ADAM29: variants seen among roughly 807,000 people sequenced by gnomAD.
The protein encoded by ADAM29 is disintegrin and metalloproteinase domain-containing protein 29.
For synonymous variants in ADAM29, 367 were observed against 342.3 expected, an observed-to-expected ratio of 1.07 and a Z score of -0.80; for missense variants, 969 against 1,001.8, an observed-to-expected ratio of 0.97 and a Z score of 0.44.
At chr4:174,931,453 A>G (rs1259308316) in intron 3 of ADAM29, 1 of 152,224 alleles carries the variant, frequency 6.6e-6, no homozygotes, top group African/African-American at 2.4e-5. Context: ...TCAAAATTCA[A>G]ACTCTTCTAT....
intron 3 of ADAM29, among the ~76,000 whole-genome samples, chr4:174,935,971 A>G (rs949124408): frequency 6.6e-6 from 1 of 152,054 alleles, no homozygotes; most frequent in African/African-American, 2.4e-5. Flanking sequence ...AAATAGAGTG[A>G]CCATATAATT....
chr4:174,939,285 G>A (rs1744387720), intron 4 of ADAM29, among the ~76,000 whole-genome samples: 2 of 152,050 alleles, frequency 1.3e-5, no homozygotes. Flanking sequence ...TTTTCTAAGA[G>A]CCCACATCAA....
At position 174,977,888 on chromosome 4, in the gene ADAM29, C is replaced by T. The variant is rs1324076688; in HGVS notation, c.2363C>T (p.Pro788Leu). The T allele has an allele frequency of 3.2e-6, 5 of 1,586,740 alleles. No homozygotes were observed. Among genetic ancestry groups the T allele is most frequent in the Admixed American group, 1.7e-5 (1 of 58,206 alleles). The change falls in exon 5 of 5, where the codon CCT becomes CTT. Residue 788 changes from proline to leucine, a missense_variant. By Grantham distance (98) the Pro-to-Leu change is moderately conservative (BLOSUM62 -3). Coordinates refer to ENST00000359240, the MANE Select transcript of ADAM29 (RefSeq NM_014269.4). ...CCTGTGATGCCTTCCCAGAGTCATC[C>T]TCAGTTGACGCCTTCCCAGAGTCAA... ...QPPVMPSQSH[P>L]QLTPSQSQPP...
chr4:174,974,574 A>G (rs959885936), intron 4 of ADAM29, among the ~76,000 whole-genome samples: 1 of 152,236 alleles, frequency 6.6e-6, no homozygotes, highest in African/African-American at 2.4e-5. Flanking sequence ...GCATGCATTT[A>G]TCATAGATGT....
rs1043483548 is a variant in ADAM29 at position 174,969,716 on chromosome 4, T to C, written c.-180-5630T>C. Among the ~76,000 whole-genome samples, 15 of 152,186 alleles carry C rather than the reference T, an allele frequency of 9.9e-5. No homozygotes were observed. The East Asian group carries it at 2.5e-3, about 25-fold the overall frequency. ...CATTTCAAAATAAACACCAAGTATT[T>C]TGATGTGTCAGTTAATATCCTTTGA... On this transcript the variant is annotated intron_variant, in intron 4 of 4. Transcript: ENST00000359240.
intron 4 of ADAM29, among the ~76,000 whole-genome samples, chr4:174,961,807 C>T (rs1314429320): frequency 2.0e-5 from 3 of 152,158 alleles, no homozygotes; most frequent in Non-Finnish European, 4.4e-5. Context: ...ACCATACAGC[C>T]TATCCAGTCA....
rs767987848 is a variant in ADAM29 at position 174,976,733 on chromosome 4, GTGT to G, written c.1214_1216del (p.Val405del). On this transcript the variant is annotated inframe_deletion, in exon 5 of 5. Transcript: ENST00000359240. Reference sequence around the variant, plus strand: ...TTTAATGTGAAGCGCTGTGGGAATGGTGTTGTTGAAGAAGGAGAAGAGTGTGAC... The same window carrying G: ...TTTAATGTGAAGCGCTGTGGGAATGGTGTTGAAGAAGGAGAAGAGTGTGAC... 10 of 1,613,864 alleles carry G rather than the reference GTGT, an allele frequency of 6.2e-6. No homozygotes were observed. Among genetic ancestry groups the G allele is most frequent in the East Asian group, 2.2e-5 (1 of 44,888 alleles).
Position 174,976,322 on chromosome 4 carries a change from T to C in ADAM29, c.797T>C (p.Val266Ala), listed in dbSNP as rs1302142192. The change falls in exon 5 of 5, where the codon GTG becomes GCG. Residue 266 changes from valine (V) to alanine (A), a missense_variant. By Grantham distance (64) the Val-to-Ala change is moderately conservative (BLOSUM62 0). Transcript: ENST00000359240. ...LIVVDDVRKS[V>A]HLYCKWKSEN... ...GTAGTAGATGATGTAAGGAAATCTG[T>C]GCACCTGTATTGCAAGTGGAAGTCG... 1 of 1,612,022 alleles carries C rather than the reference T, an allele frequency of 6.2e-7. No individual in the cohort carries two copies. The highest frequency in any genetic ancestry group is 8.5e-7 in the Non-Finnish European group (1 of 1,179,436).
intron 2 of ADAM29, among the ~76,000 whole-genome samples, chr4:174,923,630 A>G (rs1440227020): frequency 1.3e-5 from 2 of 150,626 alleles, no homozygotes; most frequent in African/African-American, 4.9e-5. Flanking sequence ...ATCAGATAAC[A>G]GGGAAGAACA....
At chr4:174,964,099 T>C (rs1036763772) in intron 4 of ADAM29, among the ~76,000 whole-genome samples, 2 of 152,138 alleles carry the variant, frequency 1.3e-5, no homozygotes, top group Admixed American at 1.3e-4. Flanking sequence ...TTTTTTTCTA[T>C]AAATTATGTA....
At position 174,976,329 on chromosome 4, in the gene ADAM29, G is replaced by A. The variant is rs1044016527; in HGVS notation, c.804G>A (p.Leu268=). Residue 268 remains leucine (L), a synonymous_variant, in exon 5 of 5, where the codon CTG becomes CTA. Transcript: ENST00000359240. The part of the protein sequence containing the change: ...VVDDVRKSVH[L]YCKWKSENIT... Reference sequence around the variant, plus strand: ...ATGATGTAAGGAAATCTGTGCACCTGTATTGCAAGTGGAAGTCGGAGAACA... The same window carrying A: ...ATGATGTAAGGAAATCTGTGCACCTATATTGCAAGTGGAAGTCGGAGAACA... The A allele has an allele frequency of 1.2e-6, 2 of 1,611,780 alleles. No homozygotes were observed. Among genetic ancestry groups the A allele is most frequent in the Non-Finnish European group, 1.7e-6 (2 of 1,179,302 alleles).
intron 4 of ADAM29, among the ~76,000 whole-genome samples, chr4:174,974,790 G>A (rs368635622): frequency 1.6e-4 from 24 of 152,272 alleles, no homozygotes; most frequent in African/African-American, 5.3e-4. Context: ...GTGAGAAGAG[G>A]AAGTTAGCGA....
chr4:174,930,363 T>C (rs1743791051), intron 2 of ADAM29, among the ~76,000 whole-genome samples: 1 of 152,194 alleles, frequency 6.6e-6, no homozygotes, highest in Admixed American at 6.5e-5. Flanking sequence ...TTTAATAATA[T>C]GTCTCTTCAT....
chr4:174,976,855 A>G lies in ADAM29; in HGVS notation c.1330A>G (p.Lys444Glu). Residue 444 changes from lysine (K) to glutamate (E), a missense_variant, in exon 5 of 5, where the codon AAA becomes GAA. Coordinates refer to ENST00000359240, the MANE Select transcript of ADAM29 (RefSeq NM_014269.4). ...GSTCAFGLCC[K>E]DCKFLPSGKV... ...TACTTGTGCTTTTGGGCTTTGTTGC[A>G]AAGACTGCAAGTTCCTACCATCAGG... 6.2e-7 allele frequency: 1 copy of G among 1,614,168 alleles called. No homozygotes were observed. The highest frequency in any genetic ancestry group is 8.5e-7 in the Non-Finnish European group (1 of 1,180,022).
chr4:174,934,364 T>C (rs1042105013), intron 3 of ADAM29, among the ~76,000 whole-genome samples: 5 of 152,166 alleles, frequency 3.3e-5, no homozygotes, highest in Admixed American at 3.3e-4. Flanking sequence ...TAGTTTCTCA[T>C]TTGCTGATAA....
intron 4 of ADAM29, among the ~76,000 whole-genome samples, chr4:174,946,646 T>A (rs574139946): frequency 7.2e-4 from 110 of 151,912 alleles, no homozygotes; most frequent in Non-Finnish European, 1.4e-3. Context: ...AAAGATGGCT[T>A]TTAGTATTTT....
At chr4:174,963,056 A>T (rs1745937632) in intron 4 of ADAM29, among the ~76,000 whole-genome samples, 1 of 152,196 alleles carries the variant, frequency 6.6e-6, no homozygotes, top group Non-Finnish European at 1.5e-5. Context: ...GGGACAATCT[A>T]TGAGGTAGTC....
At chr4:174,940,970 A>C (rs1318340479) in intron 4 of ADAM29, among the ~76,000 whole-genome samples, 1 of 152,132 alleles carries the variant, frequency 6.6e-6, no homozygotes, top group Non-Finnish European at 1.5e-5. Flanking sequence ...AATCATCATT[A>C]AGTTTTTATG....
chr4:174,956,969 C>T (rs1240901672), intron 4 of ADAM29, among the ~76,000 whole-genome samples: 1 of 151,918 alleles, frequency 6.6e-6, no homozygotes, highest in Admixed American at 6.6e-5. Context: ...GACTGATCCA[C>T]TTTTCAGTGT....
Sources: gnomAD v4.1 joint callset for allele counts (sites outside exome capture counted in the v4.1 genomes callset) on GRCh38, gnomAD v4.1.1 for gene constraint, MANE v1.5 for transcripts, NCBI Gene and HGNC (gene_info 2026-07-23, HGNC 2026-07-21) for gene names.